C2orf92: variants seen among roughly 807,000 people sequenced by gnomAD.
C2orf92 encodes uncharacterized protein C2orf92.
chr2:97,683,946 G>T lies in C2orf92; in HGVS notation c.233-4949G>T, dbSNP rs771852220. 3.1e-4 allele frequency among the ~76,000 whole-genome samples: 46 copies of T among 149,760 alleles called. No individual in the cohort carries two copies. The Middle Eastern group carries it at 0.026, about 83-fold the overall frequency. Reference sequence around the variant, plus strand: ...GTGGCGCGATCTTGGCTCACTGCAAGCTCCGCCTCCTGGGTTCACGCCATT... The same window carrying T: ...GTGGCGCGATCTTGGCTCACTGCAATCTCCGCCTCCTGGGTTCACGCCATT... On this transcript the variant is annotated intron_variant, in intron 3 of 7. Coordinates refer to ENST00000627399, the MANE Select transcript of C2orf92 (RefSeq NM_001351368.2).
intron 6 of C2orf92, among the ~76,000 whole-genome samples, 162 bp from the exon 7 acceptor site, chr2:97,700,992 A>G (rs545765953): frequency 2.4e-4 from 37 of 152,046 alleles, no homozygotes; most frequent in African/African-American, 7.7e-4. Flanking sequence ...CAGCCTCCCA[A>G]AGTGCTGGGA....
Position 97,675,929 on chromosome 2 carries a change from G to T in C2orf92, c.232+1G>T. 1 of 398,588 alleles carries T rather than the reference G, an allele frequency of 2.5e-6. No homozygotes were observed. The highest frequency in any genetic ancestry group is 1.3e-4 in the South Asian group (1 of 7,860). The allele number at this position is 398,588 out of a possible 1,614,324, so 24.7% of individuals were successfully genotyped here. ...GAGGAACATTTGGCTAAAATATTTG[G>T]TAAGTAGCCTCCTGCTATGAAGCCT... On this transcript the variant is annotated splice_donor_variant, in intron 3 of 7. Coordinates refer to ENST00000627399, the MANE Select transcript of C2orf92 (RefSeq NM_001351368.2). LOFTEE classifies it high-confidence loss of function.
chr2:97,700,392 T>G (rs1482771088), intron 6 of C2orf92, among the ~76,000 whole-genome samples: 1 of 152,182 alleles, frequency 6.6e-6, no homozygotes, highest in Admixed American at 6.5e-5. Context: ...AGAGGTTATA[T>G]CACTGCCCTG....
At chr2:97,679,373 GAT>G (rs1420313147) in intron 3 of C2orf92, among the ~76,000 whole-genome samples, 1 of 152,196 alleles carries the variant, frequency 6.6e-6, no homozygotes, top group African/African-American at 2.4e-5. Context: ...AGGGAATAGA[GAT>G]ATATGTGTGC....
At chr2:97,671,830 G>C (rs1675424484) in intron 1 of C2orf92, 1 of 245,346 alleles carries the variant, frequency 4.1e-6, no homozygotes, top group Admixed American at 5.6e-5. Context: ...TCCTCCAGGG[G>C]TTCTCAGCCC....
intron 5 of C2orf92, among the ~76,000 whole-genome samples, chr2:97,697,752 G>A (rs1262701806): frequency 6.6e-6 from 1 of 151,992 alleles, no homozygotes; most frequent in Admixed American, 6.6e-5. Flanking sequence ...TTTTGAGACA[G>A]GGTCTCGCTC....
intron 1 of C2orf92, chr2:97,664,670 A>T (rs1026943743): frequency 1.3e-5 from 2 of 152,172 alleles, no homozygotes; most frequent in African/African-American, 4.8e-5. Flanking sequence ...AAAGTTTTCA[A>T]TTAGCAATAA....
rs758499470 is a variant in C2orf92, at chr2:97,700,729, TG to T, written c.515-424del. ...CAGTGGCTAAGATGCCAAGGTTTTT[TG>T]TTTTTTTTTTTGAGATGGAGTCTCA... On this transcript the variant is annotated intron_variant, in intron 6 of 7. Coordinates refer to ENST00000627399, the MANE Select transcript of C2orf92 (RefSeq NM_001351368.2). Among the ~76,000 whole-genome samples, 830 of 108,726 alleles carry T rather than the reference TG, an allele frequency of 7.6e-3. 31 individuals are homozygous for T. In the East Asian group the frequency reaches 0.099, roughly 13 times the overall value. The allele number at this position is 108,726 out of a possible 152,430, so 71.3% of individuals were successfully genotyped here.
At chr2:97,686,441 A>G (rs1435714298) in intron 3 of C2orf92, among the ~76,000 whole-genome samples, 4 of 150,778 alleles carry the variant, frequency 2.7e-5, no homozygotes, top group Non-Finnish European at 5.9e-5. Flanking sequence ...TTTTTCTGAG[A>G]TGGAGTCTTG....
intron 5 of C2orf92, among the ~76,000 whole-genome samples, chr2:97,691,892 A>G (rs910276330): frequency 2.6e-5 from 4 of 152,256 alleles, no homozygotes; most frequent in South Asian, 2.1e-4. Flanking sequence ...CCGTGCTGGG[A>G]TTACAGGCAT....
At chr2:97,690,152 AAAAC>A (rs1425111928) in intron 4 of C2orf92, 100 bp from the exon 5 acceptor site, 2 of 380,446 alleles carry the variant, frequency 5.3e-6, no homozygotes, top group African/African-American at 4.2e-5. Flanking sequence ...AAACCACAAA[AAAAC>A]CAAAAAATGG....
At chr2:97,674,673 G>C (rs1675518985) in intron 2 of C2orf92, 116 bp downstream of exon 2, 2 of 395,498 alleles carry the variant, frequency 5.1e-6, no homozygotes, top group Non-Finnish European at 4.5e-6. Context: ...TGGTGGAGGG[G>C]GTGCAAAGCC....
chr2:97,684,117 G>A (rs1675873650), intron 3 of C2orf92, among the ~76,000 whole-genome samples: 1 of 148,926 alleles, frequency 6.7e-6, no homozygotes, highest in African/African-American at 2.5e-5. Flanking sequence ...CTCACTGCAA[G>A]CTCTGCCTCC....
At chr2:97,690,713 AGCTGAGGGTCTG>A (rs1676105106) in intron 5 of C2orf92, among the ~76,000 whole-genome samples, 1 of 148,596 alleles carries the variant, frequency 6.7e-6, no homozygotes, top group African/African-American at 2.5e-5. Context: ...CTGAGTTCAG[AGCTGAGGGTCTG>A]GCAGATGGTG....
chr2:97,676,602 C>T (rs1429532148), intron 3 of C2orf92, among the ~76,000 whole-genome samples: 1 of 151,398 alleles, frequency 6.6e-6, no homozygotes, highest in Non-Finnish European at 1.5e-5. Context: ...AAAAACGCCC[C>T]CCTCCCCGAC....
intron 5 of C2orf92, among the ~76,000 whole-genome samples, chr2:97,697,667 G>A (rs573566389): frequency 6.6e-6 from 1 of 152,258 alleles, no homozygotes; most frequent in East Asian, 1.9e-4. Flanking sequence ...ACTGTTATCA[G>A]ACACCCACAT....
intron 3 of C2orf92, among the ~76,000 whole-genome samples, chr2:97,679,744 G>A (rs1485452236): frequency 6.6e-6 from 1 of 151,146 alleles, no homozygotes; most frequent in Non-Finnish European, 1.5e-5. Flanking sequence ...GCCTGAGGCA[G>A]GAGAATTGCT....
At chr2:97,679,184 A>C (rs1268962797) in intron 3 of C2orf92, among the ~76,000 whole-genome samples, 1 of 151,762 alleles carries the variant, frequency 6.6e-6, no homozygotes, top group Non-Finnish European at 1.5e-5. Context: ...GAAAAAAAAA[A>C]ATGCTGGTAA....
intron 1 of C2orf92, chr2:97,670,627 A>G (rs1474548377): frequency 2.0e-5 from 3 of 151,314 alleles, no homozygotes; most frequent in Non-Finnish European, 4.4e-5. Context: ...GTGCGGTGGC[A>G]TAATCACAGC....
Sources: allele counts gnomAD v4.1 joint callset (sites outside exome capture counted in the v4.1 genomes callset), GRCh38; gene constraint gnomAD v4.1.1; transcripts MANE v1.5; gene names NCBI Gene and HGNC (gene_info 2026-07-23, HGNC 2026-07-21).